The following TIMD4 variants were observed in gnomAD, a reference collection of about 807,000 sequenced individuals.
TIMD4 encodes T-cell immunoglobulin and mucin domain-containing protein 4.
Under a neutral mutation model 41.2 loss-of-function variants are expected in TIMD4, and 31 were observed. The ratio of observed to expected loss-of-function variants is 0.75; its 90% confidence interval spans 0.57 to 1.01. The LOEUF (loss-of-function observed/expected upper bound fraction) is 1.01, where lower values mean the gene tolerates loss of function less well. Ranked by LOEUF, TIMD4 falls within the 50% of genes least tolerant of loss-of-function variation. The pLI, the probability that TIMD4 is intolerant of heterozygous loss-of-function variation, is 0.00. For synonymous variants in TIMD4, 204 were observed against 177.1 expected (o/e 1.15, Z -1.21); for missense variants, 479 against 472.5 (o/e 1.01, Z -0.13).
intron 2 of TIMD4, among the ~76,000 whole-genome samples, chr5:156,953,886 A>T (rs1433416604): frequency 6.6e-6 from 1 of 152,146 alleles, no homozygotes; most frequent in African/African-American, 2.4e-5. Context: ...TTGAAGTCCC[A>T]CCATATCCCA....
In TIMD4 at chr5:156,950,706, A is replaced by G. The variant is rs553235639; in HGVS notation, c.679+806T>C. 2.6e-5 allele frequency among the ~76,000 whole-genome samples: 4 copies of G among 152,334 alleles called. No homozygotes were observed. In the South Asian group the frequency reaches 8.3e-4, roughly 32 times the overall value. On this transcript the variant is annotated intron_variant, in intron 3 of 8. Transcript: ENST00000274532. ...AAGAATTCCAGGGGAAAAAAAAGAA[A>G]CAAAGAAAAGAAACAAGGCTAGAAC...
chr5:156,952,283 C>T (rs1346249339), intron 2 of TIMD4, among the ~76,000 whole-genome samples: 2 of 148,988 alleles, frequency 1.3e-5, no homozygotes, highest in Non-Finnish European at 3.0e-5. Context: ...GAGTAAGACT[C>T]CATCTCAAAA....
At chr5:156,942,043 A>C (rs1415213865) in intron 5 of TIMD4, among the ~76,000 whole-genome samples, 1 of 152,242 alleles carries the variant, frequency 6.6e-6, no homozygotes, top group Non-Finnish European at 1.5e-5. Context: ...GGACCAAGAA[A>C]TAACTACTGT....
chr5:156,922,028 G>C (rs1759252165), intron 7 of TIMD4, 71 bp downstream of exon 7: 1 of 1,207,268 alleles, frequency 8.3e-7, no homozygotes, highest in South Asian at 1.4e-5. Context: ...GAAGGAAGTG[G>C]AGACAACTCC....
intron 2 of TIMD4, 26 bp from the exon 3 acceptor site, chr5:156,951,816 G>T (rs770186663): frequency 2.3e-5 from 37 of 1,612,072 alleles, no homozygotes; most frequent in African/African-American, 4.0e-5. Flanking sequence ...GACATGTTTG[G>T]CACCAAGCGG....
At position 156,954,631 on chromosome 5, in the gene TIMD4, A is replaced by T; in HGVS notation, c.184T>A (p.Ser62Thr). ...MCWGKDQCPY[S>T]GCKEALIRTD... Reference sequence around the variant, plus strand: ...CGGATGAGCGCCTCCTTGCAACCGGAGTAGGGGCACTGGTCTTTCCCCCAG... The same window carrying T: ...CGGATGAGCGCCTCCTTGCAACCGGTGTAGGGGCACTGGTCTTTCCCCCAG... The change falls in exon 2 of 9, where the codon TCC (serine) becomes ACC (threonine). Residue 62 changes from serine (S) to threonine (T), a missense_variant. By Grantham distance (58) the Ser-to-Thr change is moderately conservative. Transcript: ENST00000274532. 3 of 1,614,144 alleles carry T rather than the reference A, an allele frequency of 1.9e-6. No individual in the cohort carries two copies. The highest frequency in any genetic ancestry group is 2.5e-6 in the Non-Finnish European group (3 of 1,180,032).
chr5:156,959,681 T>C (rs998274083), intron 1 of TIMD4, among the ~76,000 whole-genome samples: 1 of 152,054 alleles, frequency 6.6e-6, no homozygotes, highest in African/African-American at 2.4e-5. Flanking sequence ...CTTTTAAGAG[T>C]ACATCCAGCT....
intron 5 of TIMD4, among the ~76,000 whole-genome samples, chr5:156,934,436 T>G (rs560151212): frequency 1.3e-4 from 19 of 149,252 alleles, no homozygotes; most frequent in Non-Finnish European, 2.1e-4. Context: ...GTGTGGTTTT[T>G]TTTGTTTGTT....
At chr5:156,948,338 AG>A (rs1382010641) in intron 5 of TIMD4, 77 bp downstream of exon 5, 12 of 852,740 alleles carry the variant, frequency 1.4e-5, no homozygotes, top group Non-Finnish European at 1.7e-5. Context: ...AAAAAAAAAA[AG>A]CAAGATTCTG....
At chr5:156,939,491 G>A (rs1252495808) in intron 5 of TIMD4, among the ~76,000 whole-genome samples, 1 of 152,194 alleles carries the variant, frequency 6.6e-6, no homozygotes, top group Non-Finnish European at 1.5e-5. Context: ...ATGTGAATCA[G>A]TGTAGTAATT....
intron 1 of TIMD4, among the ~76,000 whole-genome samples, chr5:156,957,739 GA>G (rs1760000464): frequency 6.6e-6 from 1 of 151,476 alleles, no homozygotes; most frequent in Non-Finnish European, 1.5e-5. Flanking sequence ...GAGGCAGGAG[GA>G]TGGCTTGAAC....
intron 1 of TIMD4, among the ~76,000 whole-genome samples, chr5:156,962,861 T>G (rs1315857245): frequency 2.0e-5 from 3 of 152,198 alleles, no homozygotes; most frequent in Admixed American, 1.3e-4. Context: ...TTTCCCCAAT[T>G]TATCTGACCA....
intron 5 of TIMD4, among the ~76,000 whole-genome samples, chr5:156,946,998 G>C (rs1052405469): frequency 6.6e-6 from 1 of 151,920 alleles, no homozygotes; most frequent in Non-Finnish European, 1.5e-5. Flanking sequence ...AGGAGTTCAA[G>C]ACCAACCAGG....
At chr5:156,934,152 CT>C (rs59608281) in intron 5 of TIMD4, among the ~76,000 whole-genome samples, 3,151 of 152,326 alleles carry the variant, frequency 0.021, 99 homozygotes, top group African/African-American at 0.068. Context: ...TTCATAGAAA[CT>C]TGCTTTAAAA....
chr5:156,932,354 T>C (rs1397915735), intron 5 of TIMD4, among the ~76,000 whole-genome samples: 1 of 152,202 alleles, frequency 6.6e-6, no homozygotes, highest in African/African-American at 2.4e-5. Flanking sequence ...CAAAGCGACC[T>C]TCTATGTGAA....
intron 5 of TIMD4, among the ~76,000 whole-genome samples, chr5:156,939,535 A>T (rs1161026884): frequency 1.3e-5 from 2 of 152,180 alleles, no homozygotes; most frequent in East Asian, 3.9e-4. Flanking sequence ...ATTAGCAAAG[A>T]CACCCACCCA....
In TIMD4 at chr5:156,954,633, T is replaced by C; in HGVS notation, c.182A>G (p.Tyr61Cys). ...SMCWGKDQCP[Y>C]SGCKEALIRT... ...GATGAGCGCCTCCTTGCAACCGGAG[T>C]AGGGGCACTGGTCTTTCCCCCAGCA... The change falls in exon 2 of 9, where the codon TAC becomes TGC. Residue 61 changes from tyrosine (Y) to cysteine (C), a missense_variant. Coordinates refer to ENST00000274532, the MANE Select transcript of TIMD4 (RefSeq NM_138379.3). The C allele has an allele frequency of 6.2e-7, 1 of 1,614,036 alleles. No individual in the cohort carries two copies. The highest frequency in any genetic ancestry group is 8.5e-7 in the Non-Finnish European group (1 of 1,180,032).
chr5:156,946,775 G>A (rs193076408), intron 5 of TIMD4, among the ~76,000 whole-genome samples: 189 of 151,232 alleles, frequency 1.2e-3, no homozygotes, highest in African/African-American at 4.3e-3. Flanking sequence ...ATGAGCCACC[G>A]CGCCTGGCCT....
chr5:156,950,537 T>C (rs1759833060), intron 3 of TIMD4, among the ~76,000 whole-genome samples: 1 of 152,292 alleles, frequency 6.6e-6, no homozygotes, highest in East Asian at 1.9e-4. Flanking sequence ...GCAGCTGAAA[T>C]ATCTAAGAAA....
Sources: gnomAD v4.1 joint callset for allele counts (sites outside exome capture counted in the v4.1 genomes callset) on GRCh38, gnomAD v4.1.1 for gene constraint, MANE v1.5 for transcripts, NCBI Gene and HGNC (gene_info 2026-07-23, HGNC 2026-07-21) for gene names.